Variants in AR observed in about 807,000 individuals in gnomAD.
The protein encoded by AR is androgen receptor, also known as dihydrotestosterone receptor.
A neutral mutation model predicts 53.9 loss-of-function variants in AR; 8 were observed. The observed-to-expected ratio is 0.15, with a 90% confidence interval of 0.09 to 0.27. The LOEUF is 0.27. Among genes scored for constraint, AR ranks in the 10% least tolerant of loss-of-function variants. The probability of loss-of-function intolerance (pLI) is 1.00; values close to 1 mark genes in which losing one functional copy is unlikely to be tolerated. For missense variants in AR, 639 were observed against 742.5 expected (o/e 0.86, Z 1.62); for synonymous variants, 359 against 316.4 (o/e 1.13, Z -1.43).
chrX:67,719,796 C>T (rs1261398153), intron 5 of AR, among the ~76,000 whole-genome samples: 2 of 112,317 alleles, frequency 1.8e-5, no homozygotes, highest in Non-Finnish European at 3.8e-5. Flanking sequence ...AGGCAGTACT[C>T]TCCAGTTGAG....
chrX:67,643,482 G>A, intron 2 of AR, 75 bp downstream of exon 2: 1 of 1,123,988 alleles, frequency 8.9e-7, no homozygotes, highest in Non-Finnish European at 1.2e-6. Flanking sequence ...ACCTTTCAGG[G>A]CCCAGGATTT....
At chrX:67,608,246 C>T (rs1011172379) in intron 1 of AR, among the ~76,000 whole-genome samples, 5 of 111,870 alleles carry the variant, frequency 4.5e-5, no homozygotes, top group African/African-American at 1.3e-4. Flanking sequence ...GATAAAGGTG[C>T]GAATTCAAAG....
intron 3 of AR, among the ~76,000 whole-genome samples, chrX:67,709,750 C>G (rs1454788199): frequency 8.9e-6 from 1 of 112,104 alleles, no homozygotes; most frequent in Admixed American, 9.4e-5. Flanking sequence ...GAGCTGTAGA[C>G]TGGAGCTGTT....
chrX:67,553,760 A>G (rs962303671), intron 1 of AR, among the ~76,000 whole-genome samples: 8 of 112,500 alleles, frequency 7.1e-5, no homozygotes, highest in Non-Finnish European at 1.5e-4. Flanking sequence ...TAAGTTTTGC[A>G]GTTCTTTTTA....
chrX:67,695,594 G>A (rs1031656288), intron 3 of AR: 2 of 753,613 alleles, frequency 2.7e-6, no homozygotes, highest in Non-Finnish European at 3.1e-6. Flanking sequence ...TTCTCTCTCT[G>A]CTCCATAGCT....
rs1159729724 is a variant in AR, at chrX:67,728,332, A to G, written c.*4491A>G. ...CAAATTGTTGAAGCTCCATCATTGCATGGTTGGAAATGGAGCTGTTCTTAG... is the reference window on the plus strand; with the variant it reads ...CAAATTGTTGAAGCTCCATCATTGCGTGGTTGGAAATGGAGCTGTTCTTAG... On this transcript the variant is annotated 3_prime_UTR_variant, in exon 8 of 8. Transcript: ENST00000374690. The G allele has an allele frequency of 6.3e-6, 1 of 158,543 alleles. No homozygotes were observed. Among genetic ancestry groups the G allele is most frequent in the Non-Finnish European group, 1.2e-5 (1 of 83,356 alleles). The allele number at this position is 158,543 out of a possible 1,213,427, so 13.1% of individuals were successfully genotyped here. A position where few individuals can be genotyped will look rare whatever the true frequency, so the allele number is the denominator to read the frequency against.
At chrX:67,630,888 T>C (rs987798985) in intron 1 of AR, among the ~76,000 whole-genome samples, 16 of 110,826 alleles carry the variant, frequency 1.4e-4, no homozygotes, top group African/African-American at 4.9e-4. Flanking sequence ...TTATTTCTCC[T>C]TCACTTATGA....
intron 1 of AR, among the ~76,000 whole-genome samples, chrX:67,550,934 T>G (rs1929968963): frequency 9.2e-6 from 1 of 108,595 alleles, no homozygotes; most frequent in South Asian, 4.1e-4. Context: ...AGTAGTAGAT[T>G]AGATTAACCC....
rs2147436333 is a variant in AR, at chrX:67,643,337, A to C, written c.1698A>C (p.Glu566Asp). The stretch of plus-strand genomic sequence containing the variant: ...AGACCTGCCTGATCTGTGGAGATGA[A>C]GCTTCTGGGTGTCACTATGGAGCTC... ...PQKTCLICGDEASGCHYGALT... is the reference protein window; with the variant it reads ...PQKTCLICGDDASGCHYGALT... Residue 566 changes from glutamate to aspartate, a missense_variant, in exon 2 of 8, where the codon GAA becomes GAC. By Grantham distance (45) the Glu-to-Asp change is conservative. This residue lies in a region of AR where 19 missense variants were observed against 48.3 expected (regional missense o/e 0.39). Coordinates refer to ENST00000374690, the MANE Select transcript of AR (RefSeq NM_000044.6). 1 of 1,211,264 alleles carries C rather than the reference A, an allele frequency of 8.3e-7. No individual in the cohort carries two copies. The highest frequency in any genetic ancestry group is 1.1e-6 in the Non-Finnish European group (1 of 895,302).
intron 5 of AR, among the ~76,000 whole-genome samples, chrX:67,720,792 C>G (rs1289751362): frequency 9.2e-6 from 1 of 108,686 alleles, no homozygotes; most frequent in Non-Finnish European, 1.9e-5. Flanking sequence ...CCTTTAGGCT[C>G]CATCTGGGAG....
intron 1 of AR, among the ~76,000 whole-genome samples, chrX:67,547,105 TTCC>T (rs1198638991): frequency 9.0e-6 from 1 of 111,484 alleles, no homozygotes; most frequent in Non-Finnish European, 1.9e-5. Context: ...CCCTCCACTC[TTCC>T]TTTCCTCCTG....
chrX:67,615,575 G>C, intron 1 of AR, among the ~76,000 whole-genome samples: 1 of 110,900 alleles, frequency 9.0e-6, no homozygotes, highest in South Asian at 3.8e-4. Flanking sequence ...AATACTAAAA[G>C]CTTCCTAGAC....
chrX:67,588,028 C>A (rs187342415), intron 1 of AR, among the ~76,000 whole-genome samples: 97 of 111,640 alleles, frequency 8.7e-4, no homozygotes, highest in Admixed American at 3.0e-3. Flanking sequence ...CCCCTGTGTT[C>A]CACTCCACCC....
chrX:67,648,310 T>C (rs1487374054), intron 2 of AR, among the ~76,000 whole-genome samples: 1 of 111,997 alleles, frequency 8.9e-6, no homozygotes, highest in African/African-American at 3.2e-5. Context: ...AAACATTTTC[T>C]AGACTTCTGT....
intron 2 of AR, among the ~76,000 whole-genome samples, chrX:67,661,441 T>C (rs745612766): frequency 5.4e-5 from 6 of 111,696 alleles, no homozygotes; most frequent in African/African-American, 1.6e-4. Flanking sequence ...TGAATTTTGT[T>C]AAAGGCCTTT....
At chrX:67,627,997 T>G (rs1924794092) in intron 1 of AR, among the ~76,000 whole-genome samples, 1 of 111,713 alleles carries the variant, frequency 9.0e-6, no homozygotes, top group African/African-American at 3.3e-5. Flanking sequence ...TTGATCTATA[T>G]CTCTCTTTTG....
intron 1 of AR, among the ~76,000 whole-genome samples, chrX:67,616,552 A>G (rs995373573): frequency 9.0e-5 from 10 of 111,391 alleles, no homozygotes; most frequent in Non-Finnish European, 1.9e-4. Context: ...GCTGCATAGT[A>G]GTCCATCGTG....
At chrX:67,702,546 T>C (rs1862685268) in intron 3 of AR, among the ~76,000 whole-genome samples, 1 of 112,191 alleles carries the variant, frequency 8.9e-6, no homozygotes, top group Non-Finnish European at 1.9e-5. Context: ...TTACTGGCTG[T>C]GCCAAAGCCC....
At chrX:67,616,098 T>C (rs890508482) in intron 1 of AR, among the ~76,000 whole-genome samples, 6 of 111,545 alleles carry the variant, frequency 5.4e-5, no homozygotes, top group Admixed American at 2.9e-4. Flanking sequence ...ATTTGAGATA[T>C]ATGTTAGAAG....
Sources: allele counts gnomAD v4.1 joint callset (sites outside exome capture counted in the v4.1 genomes callset), GRCh38; gene constraint gnomAD v4.1.1; regional missense constraint gnomAD v4.1.1; transcripts MANE v1.5; gene names NCBI Gene and HGNC (gene_info 2026-07-23, HGNC 2026-07-21).